Variants in STARD8 observed in about 807,000 individuals in gnomAD.
STARD8 encodes the protein stAR-related lipid transfer protein 8.
Under a neutral mutation model 69.4 loss-of-function variants are expected in STARD8, and 25 were observed. That is an observed-to-expected ratio of 0.36 (90% CI 0.26 to 0.50). The LOEUF (loss-of-function observed/expected upper bound fraction) is 0.50, where lower values mean the gene tolerates loss of function less well. Ranked by LOEUF, STARD8 falls within the 20% of genes least tolerant of loss-of-function variation. The pLI, the probability that STARD8 is intolerant of heterozygous loss-of-function variation, is 0.96. For missense variants in STARD8, 921 were observed against 932.5 expected (o/e 0.99, Z 0.16); for synonymous variants, 389 against 374.6 (o/e 1.04, Z -0.45).
chrX:68,653,139 C>T (rs1602535344), intron 1 of STARD8, among the ~76,000 whole-genome samples: 1 of 71,273 alleles, frequency 1.4e-5, no homozygotes, highest in African/African-American at 5.5e-5. Flanking sequence ...ACACCACACA[C>T]CACACACACC....
In STARD8 at chrX:68,684,551, G is replaced by A. The variant is rs147182552; in HGVS notation, c.79+19019G>A. Among the ~76,000 whole-genome samples the A allele has an allele frequency of 5.7e-3, 639 of 112,692 alleles. 4 individuals carry two copies. Among genetic ancestry groups the A allele is most frequent in the African/African-American group, 0.019 (577 of 31,064 alleles). ...GAAGCTGACTGAGGCCTCCTTTTCC[G>A]CGGGCGGCGTGGGGGAGGGGGCTGC... On this transcript the variant is annotated intron_variant, in intron 2 of 14. Coordinates refer to ENST00000374599, the MANE Select transcript of STARD8 (RefSeq NM_001142503.3).
Position 68,725,576 on chromosome X carries a change from A to G in STARD8, c.*1154A>G, listed in dbSNP as rs984353702. ...AGCTAATATATATATATATATATAT[A>G]TATGTGTGTGTGTGTGTGTGTGTAT... On this transcript the variant is annotated 3_prime_UTR_variant, in exon 15 of 15. Coordinates refer to ENST00000374599, the MANE Select transcript of STARD8 (RefSeq NM_001142503.3). 25 of 104,459 alleles carry G rather than the reference A, an allele frequency of 2.4e-4. No individual in the cohort carries two copies. Among genetic ancestry groups the G allele is most frequent in the Admixed American group, 1.1e-3 (11 of 9,679 alleles). The allele number at this position is 104,459 out of a possible 1,213,427, so 8.6% of individuals were successfully genotyped here.
intron 7 of STARD8, among the ~76,000 whole-genome samples, chrX:68,720,026 C>T (rs1284351421): frequency 1.8e-5 from 2 of 112,438 alleles, no homozygotes; most frequent in Non-Finnish European, 3.8e-5. Flanking sequence ...TGGCCTCCTA[C>T]TGGCCACATG....
intron 2 of STARD8, among the ~76,000 whole-genome samples, chrX:68,695,530 C>A (rs183078899): frequency 1.7e-3 from 185 of 111,357 alleles, no homozygotes; most frequent in African/African-American, 5.2e-3. Flanking sequence ...TCCCCTCCCC[C>A]ACCTAGAGAG....
intron 2 of STARD8, among the ~76,000 whole-genome samples, chrX:68,683,881 C>T (rs1202996697): frequency 8.9e-6 from 1 of 112,021 alleles, no homozygotes; most frequent in Non-Finnish European, 1.9e-5. Context: ...ATGATTACCA[C>T]CGTTATATAT....
In STARD8 at chrX:68,720,433, C is replaced by T. The variant is rs375648365; in HGVS notation, c.2049+10C>T. 7 of 1,158,755 alleles carry T rather than the reference C, an allele frequency of 6.0e-6. No individual in the cohort carries two copies. The highest frequency in any genetic ancestry group is 2.0e-5 in the South Asian group (1 of 48,945). On this transcript the variant is annotated intron_variant, in intron 8 of 14. Transcript: ENST00000374599. ...CCAGTGCCTGGACCAAGTGAGCCCT[C>T]GTGGGGCAGCCTGCCGGGAGATGGT...
intron 2 of STARD8, among the ~76,000 whole-genome samples, chrX:68,703,357 C>T (rs935375410): frequency 1.1e-4 from 12 of 112,906 alleles, no homozygotes; most frequent in African/African-American, 3.2e-4. Flanking sequence ...GTAACTTCTA[C>T]GCCCATAGGC....
At chrX:68,668,063 T>TTCTTTCTC (rs1269728563) in intron 2 of STARD8, among the ~76,000 whole-genome samples, 1 of 71,898 alleles carries the variant, frequency 1.4e-5, no homozygotes, top group African/African-American at 5.7e-5. Context: ...TTTCTTTTCT[T>TTCTTTCTC]TCTTTCTTTC....
At chrX:68,653,399 C>CAT (rs2079585683) in intron 1 of STARD8, among the ~76,000 whole-genome samples, 1 of 67,957 alleles carries the variant, frequency 1.5e-5, no homozygotes, top group Non-Finnish European at 2.8e-5. Flanking sequence ...ACACCCCACA[C>CAT]ACACCACACA....
At chrX:68,684,207 TCTC>T (rs904817313) in intron 2 of STARD8, among the ~76,000 whole-genome samples, 3 of 112,513 alleles carry the variant, frequency 2.7e-5, no homozygotes, top group African/African-American at 9.7e-5. Flanking sequence ...AGGTGCCCCC[TCTC>T]CTCCTCTTTG....
intron 1 of STARD8, among the ~76,000 whole-genome samples, chrX:68,650,358 C>A (rs1008687047): frequency 9.3e-6 from 1 of 107,390 alleles, no homozygotes; most frequent in Non-Finnish European, 1.9e-5. Context: ...CCCAGGAGTT[C>A]AAGGCTGCAG....
In STARD8 at chrX:68,660,779, C is replaced by T. The variant is rs373971358; in HGVS notation, c.46-4720C>T. On this transcript the variant is annotated intron_variant, in intron 1 of 14. Transcript: ENST00000374599. ...AAGTGGCCAAAGCCACTGCACCCACCTTCCAGCTGAGAGACCCCAAGACAG... is the reference window on the plus strand; with the variant it reads ...AAGTGGCCAAAGCCACTGCACCCACTTTCCAGCTGAGAGACCCCAAGACAG... Among the ~76,000 whole-genome samples, 119 of 112,787 alleles carry T rather than the reference C, an allele frequency of 1.1e-3. 3 individuals are homozygous for T. The South Asian group carries it at 0.043, about 41-fold the overall frequency.
intron 2 of STARD8, among the ~76,000 whole-genome samples, chrX:68,689,958 AAATC>A (rs1253803775): frequency 2.7e-5 from 3 of 109,859 alleles, no homozygotes; most frequent in Non-Finnish European, 5.7e-5. Context: ...TTCTTAGTGC[AAATC>A]TCCCTCCTAT....
chrX:68,716,391 G>T lies in STARD8; in HGVS notation c.257G>T (p.Cys86Phe). ...LCRRLMTLNN[C>F]ASMKLEVHFQ... ...AGGAGGCTGATGACCTTGAATAATT[G>T]TGCCTCGATGAAACTGGAGGTTCAT... is the stretch of plus-strand genomic sequence containing the variant. The change falls in exon 5 of 15, where the codon TGT (cysteine) becomes TTT (phenylalanine). Residue 86 changes from cysteine (C) to phenylalanine (F), a missense_variant. Coordinates refer to ENST00000374599, the MANE Select transcript of STARD8 (RefSeq NM_001142503.3). 8.3e-7 allele frequency: 1 copy of T among 1,210,848 alleles called. No homozygotes were observed. The highest frequency in any genetic ancestry group is 1.1e-6 in the Non-Finnish European group (1 of 895,147).
At chrX:68,720,901 C>A (rs763696170) in intron 8 of STARD8, 23 bp from the exon 9 acceptor site, 2 of 1,190,981 alleles carry the variant, frequency 1.7e-6, no homozygotes, top group African/African-American at 3.5e-5. Flanking sequence ...TTCCTCACTC[C>A]CTCCCTCCCC....
In STARD8 at chrX:68,718,100, T is replaced by C; in HGVS notation, c.1186T>C (p.Trp396Arg). The change falls in exon 6 of 15, where the codon TGG (tryptophan) becomes CGG (arginine). Residue 396 changes from tryptophan (W) to arginine (R), a missense_variant. Physicochemically the swap from Trp to Arg is moderately radical, Grantham distance 101. Transcript: ENST00000374599. ...AHLDDILQHV[W>R]GLQQRVELWS... ...CCTAGACGACATCCTCCAGCACGTG[T>C]GGGGGCTACAGCAACGAGTAGAGCT... 5.8e-6 allele frequency: 7 copies of C among 1,211,083 alleles called. No individual in the cohort carries two copies. The highest frequency in any genetic ancestry group is 7.8e-6 in the Non-Finnish European group (7 of 895,268).
chrX:68,684,858 T>C (rs2079821929), intron 2 of STARD8, among the ~76,000 whole-genome samples: 2 of 112,841 alleles, frequency 1.8e-5, no homozygotes, highest in South Asian at 7.3e-4. Flanking sequence ...AAACTCACTG[T>C]GTGACCTTGG....
chrX:68,723,684 C>T lies in STARD8; in HGVS notation c.2858C>T (p.Pro953Leu). Residue 953 changes from proline (P) to leucine (L), a missense_variant, in exon 13 of 15, where the codon CCA becomes CTA. Coordinates refer to ENST00000374599, the MANE Select transcript of STARD8 (RefSeq NM_001142503.3). ...WKASTEVAAP[P>L]AVVLHRVLRE... ...GCATCCACAGAGGTGGCAGCCCCCCCAGCTGTGGTGCTGCATCGTGTTCTC... is the reference window on the plus strand; with the variant it reads ...GCATCCACAGAGGTGGCAGCCCCCCTAGCTGTGGTGCTGCATCGTGTTCTC... 1.7e-6 allele frequency: 2 copies of T among 1,199,224 alleles called. No homozygotes were observed. Among genetic ancestry groups the T allele is most frequent in the African/African-American group, 1.7e-5 (1 of 57,673 alleles).
At chrX:68,724,175 G>C (rs1328023726) in intron 14 of STARD8, 54 bp downstream of exon 14, 2 of 1,180,428 alleles carry the variant, frequency 1.7e-6, no homozygotes, top group African/African-American at 3.5e-5. Context: ...CCCCTCCCCT[G>C]CCTCTGCCCC....
Sources: gnomAD v4.1 joint callset for allele counts (sites outside exome capture counted in the v4.1 genomes callset) on GRCh38, gnomAD v4.1.1 for gene constraint, MANE v1.5 for transcripts, NCBI Gene and HGNC (gene_info 2026-07-23, HGNC 2026-07-21) for gene names.